Variants in SPATS2L observed in about 807,000 individuals in gnomAD.
SPATS2L encodes SPATS2-like protein.
SPATS2L carries 30 observed loss-of-function variants against 59.6 expected under a neutral mutation model. The observed-to-expected ratio is 0.50, with a 90% CI of 0.38 to 0.68. SPATS2L has a LOEUF of 0.68. Among genes scored for constraint, SPATS2L ranks in the 30% least tolerant of loss-of-function variants. The pLI, the probability that SPATS2L is intolerant of heterozygous loss-of-function variation, is 0.00. For missense variants in SPATS2L, 615 were observed against 700.0 expected, an observed-to-expected ratio of 0.88 and a Z score of 1.37; for synonymous variants, 252 against 263.5, an observed-to-expected ratio of 0.96 and a Z score of 0.42.
At chr2:200,432,076 A>C (rs1382173725) in intron 6 of SPATS2L, among the ~76,000 whole-genome samples, 1 of 152,270 alleles carries the variant, frequency 6.6e-6, no homozygotes, top group Non-Finnish European at 1.5e-5. Flanking sequence ...GAAAGGCATG[A>C]ATTTGTATTG....
chr2:200,470,034 G>T lies in SPATS2L; in HGVS notation c.1060+18G>T, dbSNP rs369694928. 100 of 1,578,344 alleles carry T rather than the reference G, an allele frequency of 6.3e-5. No individual in the cohort carries two copies. The highest frequency in any genetic ancestry group is 7.9e-5 in the Non-Finnish European group (91 of 1,158,422). On this transcript the variant is annotated intron_variant, in intron 11 of 12. Transcript: ENST00000409140. ...CGGAGAAAGTGAGTTTTGCATATTT[G>T]CTGAATAATTCTGTGTGAGTAACCT...
intron 2 of SPATS2L, among the ~76,000 whole-genome samples, chr2:200,341,775 C>T (rs894443792): frequency 2.0e-5 from 3 of 151,472 alleles, no homozygotes; most frequent in Non-Finnish European, 2.9e-5. Context: ...CTGCAACCTC[C>T]GCCTCCTGGG....
chr2:200,440,011 G>A (rs2084580916), intron 7 of SPATS2L, among the ~76,000 whole-genome samples: 1 of 152,120 alleles, frequency 6.6e-6, no homozygotes, highest in African/African-American at 2.4e-5. Context: ...TTCTTGAGGG[G>A]GATTTCTTTC....
intron 1 of SPATS2L, among the ~76,000 whole-genome samples, chr2:200,313,050 C>T (rs1395718530): frequency 6.6e-6 from 1 of 152,216 alleles, no homozygotes; most frequent in Non-Finnish European, 1.5e-5. Context: ...ATTGAGTCTG[C>T]AGAGTTGATA....
At chr2:200,431,762 G>A (rs1178876265) in intron 6 of SPATS2L, among the ~76,000 whole-genome samples, 1 of 152,088 alleles carries the variant, frequency 6.6e-6, no homozygotes, top group Non-Finnish European at 1.5e-5. Flanking sequence ...ATACACACAT[G>A]GCTGTACATA....
At chr2:200,442,112 A>AC (rs1364859851) in intron 8 of SPATS2L, among the ~76,000 whole-genome samples, 6 of 152,152 alleles carry the variant, frequency 3.9e-5, no homozygotes, top group Non-Finnish European at 7.4e-5. Context: ...CAGTCATGGC[A>AC]TCTGGATGTC....
At chr2:200,322,842 T>C (rs2079609986) in intron 1 of SPATS2L, among the ~76,000 whole-genome samples, 1 of 152,190 alleles carries the variant, frequency 6.6e-6, no homozygotes, top group Non-Finnish European at 1.5e-5. Flanking sequence ...AGGAGTAATA[T>C]TTCATATCTG....
intron 2 of SPATS2L, among the ~76,000 whole-genome samples, chr2:200,363,087 T>G (rs2081161216): frequency 6.6e-6 from 1 of 152,158 alleles, no homozygotes; most frequent in South Asian, 2.1e-4. Context: ...GATCCTTCTA[T>G]TAGTCTCAGT....
intron 2 of SPATS2L, among the ~76,000 whole-genome samples, chr2:200,367,420 TG>T (rs1032841848): frequency 6.6e-6 from 1 of 152,158 alleles, no homozygotes; most frequent in African/African-American, 2.4e-5. Context: ...CAAAGACAAA[TG>T]GATTTGTTGT....
chr2:200,465,047 A>G (rs1337715382), intron 9 of SPATS2L, among the ~76,000 whole-genome samples: 2 of 152,254 alleles, frequency 1.3e-5, no homozygotes, highest in African/African-American at 2.4e-5. Context: ...GGCATATTGC[A>G]TACCCCTTGT....
rs2086670558 is a variant in SPATS2L at position 200,467,337 on chromosome 2, CT to C, written c.896del (p.Leu299ProfsTer46). 6.2e-7 allele frequency: 1 copy of C among 1,613,914 alleles called. No individual in the cohort carries two copies. The highest frequency in any genetic ancestry group is 1.3e-5 in the African/African-American group (1 of 74,940). ...RQKKAEELKRLTDLASQMAEM... is the reference protein window; with the variant it reads ...RQKKAEELKRXTDLASQMAEM... Reference sequence around the variant, plus strand: ...GAAGAAAGCAGAAGAACTAAAGAGACTCACTGACCTTGCCAGTCAGATGGCA... The same window carrying C: ...GAAGAAAGCAGAAGAACTAAAGAGACCACTGACCTTGCCAGTCAGATGGCA... On this transcript the variant is annotated frameshift_variant, in exon 10 of 13. Coordinates refer to ENST00000409140, the MANE Select transcript of SPATS2L (RefSeq NM_001100423.2). LOFTEE classifies it high-confidence loss of function.
At chr2:200,386,063 T>TG (rs1559086586) in intron 2 of SPATS2L, among the ~76,000 whole-genome samples, 1 of 152,200 alleles carries the variant, frequency 6.6e-6, no homozygotes, top group Non-Finnish European at 1.5e-5. Context: ...AGTTCCCCAT[T>TG]GCCTCTGTTA....
chr2:200,407,513 T>G (rs2082727716), intron 3 of SPATS2L, among the ~76,000 whole-genome samples: 2 of 152,224 alleles, frequency 1.3e-5, no homozygotes, highest in Non-Finnish European at 2.9e-5. Flanking sequence ...GTATCTAGTT[T>G]TTCTTTGTAT....
In SPATS2L at chr2:200,411,032, CAT is replaced by C. The variant is rs897056886; in HGVS notation, c.40-1269_40-1268del. 8.2e-5 allele frequency among the ~76,000 whole-genome samples: 12 copies of C among 145,672 alleles called. 1 individual carries two copies. Among genetic ancestry groups the C allele is most frequent in the African/African-American group, 2.3e-4 (9 of 38,934 alleles). On this transcript the variant is annotated intron_variant, in intron 3 of 12. Transcript: ENST00000409140. Reference sequence around the variant, plus strand: ...ACACATACATATATATATATATATACATATATATATAATATTAGAGTCCTCAG... The same window carrying C: ...ACACATACATATATATATATATATACATATATATAATATTAGAGTCCTCAG...
At chr2:200,418,930 A>G (rs1403519915) in intron 5 of SPATS2L, among the ~76,000 whole-genome samples, 1 of 152,202 alleles carries the variant, frequency 6.6e-6, no homozygotes, top group Non-Finnish European at 1.5e-5. Flanking sequence ...CAGGATGGTT[A>G]TCACCAGATT....
chr2:200,448,948 A>G lies in SPATS2L; in HGVS notation c.788+8164A>G, dbSNP rs749066861. Among the ~76,000 whole-genome samples the G allele has an allele frequency of 3.9e-5, 6 of 152,198 alleles. No individual in the cohort carries two copies. In the South Asian group the frequency reaches 1.0e-3, roughly 26 times the overall value. Reference sequence around the variant, plus strand: ...AAATGACTCCTTTTCCTCACTCTGCACCAGTCCAATAAACCGAAATAAGCT... The same window carrying G: ...AAATGACTCCTTTTCCTCACTCTGCGCCAGTCCAATAAACCGAAATAAGCT... On this transcript the variant is annotated intron_variant, in intron 8 of 12. Coordinates refer to ENST00000409140, the MANE Select transcript of SPATS2L (RefSeq NM_001100423.2).
chr2:200,372,293 C>A, intron 2 of SPATS2L: 2 of 693,394 alleles, frequency 2.9e-6, no homozygotes, highest in Non-Finnish European at 3.6e-6. Context: ...CAATGGCCAG[C>A]CAGCTTCTGC....
chr2:200,370,474 T>A (rs1330347503), intron 2 of SPATS2L, among the ~76,000 whole-genome samples: 1 of 152,000 alleles, frequency 6.6e-6, no homozygotes, highest in Admixed American at 6.6e-5. Context: ...ACCCAGAGAG[T>A]GCCAAAGAAT....
At chr2:200,451,785 G>C (rs1036046046) in intron 8 of SPATS2L, among the ~76,000 whole-genome samples, 1 of 151,330 alleles carries the variant, frequency 6.6e-6, no homozygotes, top group African/African-American at 2.4e-5. Flanking sequence ...AACCATGATG[G>C]CATCTACATA....
Sources: gnomAD v4.1 joint callset for allele counts (sites outside exome capture counted in the v4.1 genomes callset) on GRCh38, gnomAD v4.1.1 for gene constraint, MANE v1.5 for transcripts, NCBI Gene and HGNC (gene_info 2026-07-23, HGNC 2026-07-21) for gene names.